RIPK1: variants seen among roughly 807,000 people sequenced by gnomAD.
RIPK1 encodes the protein receptor-interacting serine/threonine-protein kinase 1.
In RIPK1, 27 loss-of-function variants were observed where a neutral mutation model predicts 62.4. The observed-to-expected ratio is 0.43, with a 90% CI of 0.32 to 0.60. The LOEUF is 0.60. RIPK1 is among the 20% of genes least tolerant of loss of function. The probability of loss-of-function intolerance (pLI) is 0.07; values close to 1 mark genes in which losing one functional copy is unlikely to be tolerated. For synonymous variants in RIPK1, 287 were observed against 303.2 expected, an observed-to-expected ratio of 0.95 and a Z score of 0.55; for missense variants, 735 against 831.0, an observed-to-expected ratio of 0.88 and a Z score of 1.42.
chr6:3,076,920 CTG>C lies in RIPK1; in HGVS notation c.101_102del (p.Cys34PhefsTer21), dbSNP rs1212807658. ...LDSGGFGKVS[L>X]CFHRTQGLMI... ...CAGCGGAGGCTTTGGGAAGGTGTCT[CTG>C]TGTTTCCACAGAACCCAGGGACTCA... On this transcript the variant is annotated frameshift_variant, in exon 2 of 11. Transcript: ENST00000259808. LOFTEE classifies it high-confidence loss of function. 6.2e-7 allele frequency: 1 copy of C among 1,612,036 alleles called. No individual in the cohort carries two copies. Among genetic ancestry groups the C allele is most frequent in the Non-Finnish European group, 8.5e-7 (1 of 1,179,130 alleles).
chr6:3,071,326 GA>G (rs1464373784), intron 1 of RIPK1, among the ~76,000 whole-genome samples: 1 of 152,204 alleles, frequency 6.6e-6, no homozygotes, highest in Non-Finnish European at 1.5e-5. Flanking sequence ...CCCTGCCTTA[GA>G]AGGTAATCGT....
upstream of RIPK1, chr6:3,064,018 C>G (rs1203000261): frequency 1.3e-5 from 2 of 152,426 alleles, no homozygotes; most frequent in Non-Finnish European, 2.9e-5. Context: ...CCTCGGGAGT[C>G]GGCGTCCAGG....
intron 10 of RIPK1, among the ~76,000 whole-genome samples, chr6:3,111,861 G>C (rs1247796867): frequency 6.6e-6 from 1 of 151,516 alleles, no homozygotes; most frequent in Non-Finnish European, 1.5e-5. Context: ...AAAATATCTT[G>C]GGAAGTTCTT....
upstream of RIPK1, among the ~76,000 whole-genome samples, chr6:3,066,079 G>A (rs577440721): frequency 1.4e-4 from 22 of 152,206 alleles, no homozygotes; most frequent in South Asian, 4.6e-3. Flanking sequence ...TGTCACCCAG[G>A]CTGGAGCAAT....
In RIPK1 at chr6:3,083,132, T is replaced by C; in HGVS notation, c.507T>C (p.Asn169=). ...LASFKMWSKL[N]NEEHNELREV... ...CCTTTAAGATGTGGAGCAAACTGAA[T>C]AATGAAGAGCACAATGAGCTGAGGG... Residue 169 remains asparagine, a synonymous_variant, in exon 5 of 11, where the codon AAT becomes AAC. Transcript: ENST00000259808. The C allele has an allele frequency of 6.2e-7, 1 of 1,613,994 alleles. No individual in the cohort carries two copies. The highest frequency in any genetic ancestry group is 8.5e-7 in the Non-Finnish European group (1 of 1,179,932).
chr6:3,087,964 G>A lies in RIPK1; in HGVS notation c.839-1617G>A, dbSNP rs150938730. Among the ~76,000 whole-genome samples the A allele has an allele frequency of 3.0e-4, 45 of 152,228 alleles. No homozygotes were observed. In the East Asian group the frequency reaches 6.4e-3, roughly 22 times the overall value. The stretch of plus-strand genomic sequence containing the variant: ...CAGGTTCATAACTATTAATTGAATC[G>A]TTTTTATCATGGCTGTTTTAAAATC... On this transcript the variant is annotated intron_variant, in intron 6 of 10. Coordinates refer to ENST00000259808, the MANE Select transcript of RIPK1 (RefSeq NM_001354930.2).
chr6:3,074,659 A>G (rs1758956762), intron 1 of RIPK1, among the ~76,000 whole-genome samples: 1 of 152,162 alleles, frequency 6.6e-6, no homozygotes, highest in African/African-American at 2.4e-5. Context: ...ATCTGGATGT[A>G]GATATTTATT....
intron 1 of RIPK1, chr6:3,068,954 G>C (rs1275499811): frequency 6.6e-6 from 1 of 152,474 alleles, no homozygotes. Flanking sequence ...GGGCCCCGCC[G>C]GTACCGGAAG....
rs1760476117 is a variant in RIPK1 at position 3,099,242 on chromosome 6, T to G, written c.916-4983T>G. On this transcript the variant is annotated intron_variant, in intron 7 of 10. Coordinates refer to ENST00000259808, the MANE Select transcript of RIPK1 (RefSeq NM_001354930.2). ...TATCCAGGATATTTAATAGAGTGCC[T>G]ACAAATAAAAAACAAAAATAGGCCG... is the stretch of plus-strand genomic sequence containing the variant. 3.3e-5 allele frequency among the ~76,000 whole-genome samples: 5 copies of G among 152,206 alleles called. No individual in the cohort carries two copies. In the South Asian group the frequency reaches 1.0e-3, roughly 32 times the overall value.
At chr6:3,088,114 C>T (rs1372650803) in intron 6 of RIPK1, among the ~76,000 whole-genome samples, 1 of 152,110 alleles carries the variant, frequency 6.6e-6, no homozygotes, top group Non-Finnish European at 1.5e-5. Flanking sequence ...ACATTTTCTT[C>T]CTATGTTTGG....
At chr6:3,095,066 A>G (rs1760215150) in intron 7 of RIPK1, among the ~76,000 whole-genome samples, 1 of 152,118 alleles carries the variant, frequency 6.6e-6, no homozygotes, top group Non-Finnish European at 1.5e-5. Flanking sequence ...TCTGAGAAAA[A>G]AAAGAAAAAA....
intron 4 of RIPK1, among the ~76,000 whole-genome samples, chr6:3,082,053 T>C (rs947159500): frequency 6.6e-5 from 10 of 152,166 alleles, no homozygotes; most frequent in Non-Finnish European, 1.3e-4. Flanking sequence ...GATTTTTCTT[T>C]TGTTCATTCA....
chr6:3,079,520 G>A (rs1664338702), intron 3 of RIPK1, among the ~76,000 whole-genome samples: 1 of 152,226 alleles, frequency 6.6e-6, no homozygotes, highest in South Asian at 2.1e-4. Context: ...AGTGTTCTAG[G>A]CAGAGAGAAT....
At chr6:3,069,838 C>T (rs1281334246) in intron 1 of RIPK1, among the ~76,000 whole-genome samples, 1 of 152,180 alleles carries the variant, frequency 6.6e-6, no homozygotes, top group Non-Finnish European at 1.5e-5. Context: ...TGGCAAAACC[C>T]TGTCTCTACT....
chr6:3,082,802 T>C (rs1482524663), intron 4 of RIPK1, among the ~76,000 whole-genome samples: 1 of 152,214 alleles, frequency 6.6e-6, no homozygotes, highest in Non-Finnish European at 1.5e-5. Flanking sequence ...TTACTGTTCT[T>C]GTCAGAAACA....
chr6:3,076,507 C>G (rs1316992326), intron 1 of RIPK1, among the ~76,000 whole-genome samples: 1 of 151,386 alleles, frequency 6.6e-6, no homozygotes, highest in Admixed American at 6.6e-5. Flanking sequence ...CCGGCCCCCC[C>G]ATCTCTACAA....
At chr6:3,097,541 G>A (rs1270094487) in intron 7 of RIPK1, among the ~76,000 whole-genome samples, 1 of 152,124 alleles carries the variant, frequency 6.6e-6, no homozygotes, top group Non-Finnish European at 1.5e-5. Context: ...TATCCACATG[G>A]TACAGAAATG....
chr6:3,072,390 CAT>C lies in RIPK1; in HGVS notation c.-61+3743_-61+3744del, dbSNP rs34461556. On this transcript the variant is annotated intron_variant, in intron 1 of 10. Transcript: ENST00000259808. This position sits in a 1 kb window ranked among gnomAD's most constrained non-coding sequence, Gnocchi z 5.6. ...CTGTACTTATATCTTTATCTATTTA[CAT>C]ATATATATATATAAAACACACACAA... Among the ~76,000 whole-genome samples the C allele has an allele frequency of 0.14, 21,353 of 150,996 alleles. 1,854 individuals are homozygous for C. Among genetic ancestry groups the C allele is most frequent in the East Asian group, 0.3 (1,522 of 5,158 alleles).
At chr6:3,086,417 T>C (rs1309610513) in intron 6 of RIPK1, among the ~76,000 whole-genome samples, 4 of 152,246 alleles carry the variant, frequency 2.6e-5, no homozygotes, top group Non-Finnish European at 5.9e-5. Context: ...GTCCGAGTGA[T>C]GCAGGTTCTT....
Sources: allele counts gnomAD v4.1 joint callset (sites outside exome capture counted in the v4.1 genomes callset), GRCh38; gene constraint gnomAD v4.1.1; non-coding constraint Gnocchi (gnomAD v3.1); transcripts MANE v1.5; gene names NCBI Gene and HGNC (gene_info 2026-07-23, HGNC 2026-07-21).